Variants in XDH observed in about 807,000 individuals in gnomAD.
XDH encodes the protein xanthine dehydrogenase.
Under a neutral mutation model 156.1 loss-of-function variants are expected in XDH, and 138 were observed. That is an observed-to-expected ratio of 0.88 (90% CI 0.77 to 1.02). The LOEUF is 1.02. XDH is among the 50% of genes least tolerant of loss of function. The pLI, the probability that XDH is intolerant of heterozygous loss-of-function variation, is 0.00. For missense variants in XDH, 1,849 were observed against 1,684.9 expected, an observed-to-expected ratio of 1.10 and a Z score of -1.71; for synonymous variants, 669 against 625.7, an observed-to-expected ratio of 1.07 and a Z score of -1.03.
rs749890014 is a variant in XDH, at chr2:31,401,375, A to G, written c.198-47T>C. On this transcript the variant is annotated intron_variant, in intron 3 of 35. Transcript: ENST00000379416. ...ATTCCATTTATTGTCCACTCAGATCATCAGAATGGGCCTGACTGTGAGCTC... is the reference window on the plus strand; with the variant it reads ...ATTCCATTTATTGTCCACTCAGATCGTCAGAATGGGCCTGACTGTGAGCTC... 8 of 1,597,708 alleles carry G rather than the reference A, an allele frequency of 5.0e-6. No homozygotes were observed. The South Asian group carries it at 7.8e-5, about 16-fold the overall frequency.
At position 31,368,032 on chromosome 2, in the gene XDH, T is replaced by C. The variant is rs146345594; in HGVS notation, c.2126A>G (p.Tyr709Cys). Residue 709 changes from tyrosine (Y) to cysteine (C), a missense_variant, in exon 20 of 36, where the codon TAT becomes TGT. Coordinates refer to ENST00000379416, the MANE Select transcript of XDH (RefSeq NM_000379.4). ...IEDAIKNNSF[Y>C]GPELKIEKGD... Reference sequence around the variant, plus strand: ...TTTCTCGATCTTCAGCTCAGGTCCATAAAAGGAGTTGTTCTTTATAGCATC... The same window carrying C: ...TTTCTCGATCTTCAGCTCAGGTCCACAAAAGGAGTTGTTCTTTATAGCATC... 17 of 1,614,144 alleles carry C rather than the reference T, an allele frequency of 1.1e-5. No homozygotes were observed. The highest frequency in any genetic ancestry group is 1.7e-4 in the Middle Eastern group (1 of 6,058).
intron 12 of XDH, 48 bp downstream of exon 12, chr2:31,381,585 T>C: frequency 1.3e-6 from 2 of 1,592,536 alleles, no homozygotes; most frequent in Non-Finnish European, 1.7e-6. Context: ...TGGTGAGACT[T>C]TTCTCCCCCA....
At chr2:31,407,409 G>A (rs1467000464) in intron 1 of XDH, among the ~76,000 whole-genome samples, 2 of 152,136 alleles carry the variant, frequency 1.3e-5, no homozygotes, top group East Asian at 3.8e-4. Flanking sequence ...AAAAGAGCTG[G>A]CTTGGAGGTC....
At chr2:31,394,243 GT>G in intron 6 of XDH, among the ~76,000 whole-genome samples, 1 of 152,002 alleles carries the variant, frequency 6.6e-6, no homozygotes, top group Non-Finnish European at 1.5e-5. Context: ...CTCAAGTTTT[GT>G]TTGAGAAAAT....
At chr2:31,394,507 G>C (rs1226890243) in intron 6 of XDH, among the ~76,000 whole-genome samples, 1 of 151,902 alleles carries the variant, frequency 6.6e-6, no homozygotes, top group Non-Finnish European at 1.5e-5. Context: ...GTTTTTGTTT[G>C]GTTTTGGGTT....
chr2:31,401,859 T>C (rs534765509), intron 3 of XDH, among the ~76,000 whole-genome samples: 65 of 152,326 alleles, frequency 4.3e-4, no homozygotes, highest in African/African-American at 1.4e-3. Context: ...CTGTTATTCA[T>C]CACTCATTCA....
chr2:31,399,061 G>A (rs1287002302), intron 4 of XDH, among the ~76,000 whole-genome samples: 1 of 152,230 alleles, frequency 6.6e-6, no homozygotes, highest in African/African-American at 2.4e-5. Context: ...ATAACCAGAA[G>A]GCAGCTTCTG....
At chr2:31,374,661 G>C (rs1686177362) in intron 15 of XDH, among the ~76,000 whole-genome samples, 1 of 152,108 alleles carries the variant, frequency 6.6e-6, no homozygotes, top group African/African-American at 2.4e-5. Flanking sequence ...CTTAAAGAAG[G>C]ATTTATCTCT....
intron 9 of XDH, among the ~76,000 whole-genome samples, chr2:31,385,477 G>C (rs895377585): frequency 1.3e-5 from 2 of 152,188 alleles, no homozygotes; most frequent in African/African-American, 2.4e-5. Context: ...CCAGAACTCA[G>C]GGCTTGGCAG....
At chr2:31,412,810 T>A (rs1484097233) in intron 1 of XDH, among the ~76,000 whole-genome samples, 1 of 152,212 alleles carries the variant, frequency 6.6e-6, no homozygotes, top group African/African-American at 2.4e-5. Flanking sequence ...TGCTTTCACA[T>A]AATTACTTTC....
intron 24 of XDH, among the ~76,000 whole-genome samples, chr2:31,353,873 C>T (rs545417201): frequency 6.6e-6 from 1 of 152,142 alleles, no homozygotes; most frequent in Non-Finnish European, 1.5e-5. Flanking sequence ...GGGATGGTGC[C>T]AGAGGAGACC....
At chr2:31,351,536 C>G (rs1396489290) in intron 24 of XDH, among the ~76,000 whole-genome samples, 1 of 152,130 alleles carries the variant, frequency 6.6e-6, no homozygotes, top group Non-Finnish European at 1.5e-5. Flanking sequence ...CAGTGGGATC[C>G]AAAGGGGTAA....
chr2:31,397,044 T>TG (rs1004125140), intron 6 of XDH, among the ~76,000 whole-genome samples: 1 of 152,126 alleles, frequency 6.6e-6, no homozygotes, highest in Non-Finnish European at 1.5e-5. Flanking sequence ...AAGTAAAACC[T>TG]GGGGGGAGAT....
chr2:31,393,158 T>A (rs1686812245), intron 6 of XDH, among the ~76,000 whole-genome samples: 1 of 152,236 alleles, frequency 6.6e-6, no homozygotes, highest in Admixed American at 6.5e-5. Flanking sequence ...AATTAATTGA[T>A]GGTGCCGTTG....
intron 2 of XDH, among the ~76,000 whole-genome samples, chr2:31,404,292 T>G (rs60120427): frequency 6.6e-6 from 1 of 152,096 alleles, no homozygotes; most frequent in Non-Finnish European, 1.5e-5. Flanking sequence ...TCAAACAACT[T>G]TGGGGGCACC....
intron 31 of XDH, 135 bp from the exon 32 acceptor site, chr2:31,342,432 T>C (rs1685150415): frequency 7.9e-6 from 6 of 755,784 alleles, no homozygotes; most frequent in East Asian, 2.7e-5. Context: ...AAAAAGTCCA[T>C]GGTTTGAACA....
chr2:31,373,644 C>G (rs889728583), intron 16 of XDH, among the ~76,000 whole-genome samples: 3 of 151,906 alleles, frequency 2.0e-5, no homozygotes, highest in Non-Finnish European at 2.9e-5. Context: ...GGAAGAGGGG[C>G]AGCTAAGAGT....
At chr2:31,386,140 TA>T in intron 9 of XDH, among the ~76,000 whole-genome samples, 1 of 152,004 alleles carries the variant, frequency 6.6e-6, no homozygotes, top group East Asian at 1.9e-4. Flanking sequence ...TATCCCCATA[TA>T]AAAAACAGAA....
chr2:31,374,018 C>T, intron 15 of XDH, 62 bp from the exon 16 acceptor site: 2 of 1,531,426 alleles, frequency 1.3e-6, no homozygotes, highest in African/African-American at 1.4e-5. Context: ...TCCTTCCTTG[C>T]TTGTCCATAA....
Sources: gnomAD v4.1 joint callset for allele counts (sites outside exome capture counted in the v4.1 genomes callset) on GRCh38, gnomAD v4.1.1 for gene constraint, MANE v1.5 for transcripts, NCBI Gene and HGNC (gene_info 2026-07-23, HGNC 2026-07-21) for gene names.